Variants in ARSJ observed in about 807,000 individuals in gnomAD.
ARSJ encodes arylsulfatase family member J.
A neutral mutation model predicts 35.9 loss-of-function variants in ARSJ; 26 were observed. The ratio of observed to expected loss-of-function variants is 0.72; its 90% CI spans 0.53 to 1.00. The LOEUF (loss-of-function observed/expected upper bound fraction) is 1.00. Among genes scored for constraint, ARSJ ranks in the 50% least tolerant of loss-of-function variants. The pLI is 0.00. For missense variants in ARSJ, 667 were observed against 723.6 expected (o/e 0.92, Z 0.90); for synonymous variants, 294 against 267.6 (o/e 1.10, Z -0.96).
chr4:113,943,848 A>T (rs920228650), intron 1 of ARSJ, among the ~76,000 whole-genome samples: 2 of 152,022 alleles, frequency 1.3e-5, no homozygotes, highest in Non-Finnish European at 2.9e-5. Flanking sequence ...GACAGGCTGG[A>T]GAACAGAATT....
chr4:113,924,993 G>T (rs1034999098), intron 1 of ARSJ, among the ~76,000 whole-genome samples: 1 of 152,082 alleles, frequency 6.6e-6, no homozygotes, highest in Non-Finnish European at 1.5e-5. Context: ...TTGTAGTCCT[G>T]CCGGGATTGG....
In ARSJ at chr4:113,911,869, G is replaced by T. The variant is rs140635269; in HGVS notation, c.399-8194C>A. On this transcript the variant is annotated intron_variant, in intron 1 of 1. Coordinates refer to ENST00000315366, the MANE Select transcript of ARSJ (RefSeq NM_024590.4). ...TGTGAGATGATGAGTGTGTTAATTT[G>T]CTTCACCATAGTAACTAATTTAGTA... is the stretch of plus-strand genomic sequence containing the variant. Among the ~76,000 whole-genome samples, 503 of 152,164 alleles carry T rather than the reference G, an allele frequency of 3.3e-3. 2 individuals are homozygous for T. Among genetic ancestry groups the T allele is most frequent in the African/African-American group, 0.012 (484 of 41,498 alleles).
intron 1 of ARSJ, among the ~76,000 whole-genome samples, chr4:113,958,685 A>G (rs971854189): frequency 6.6e-6 from 1 of 152,088 alleles, no homozygotes; most frequent in African/African-American, 2.4e-5. Context: ...TGGGAGAAGG[A>G]TGTGGCATTG....
rs948974213 is a variant in ARSJ at position 113,902,050 on chromosome 4, C to T, written c.*224G>A. The T allele has an allele frequency of 7.3e-7, 1 of 1,367,200 alleles. No individual in the cohort carries two copies. Among genetic ancestry groups the T allele is most frequent in the Non-Finnish European group, 9.9e-7 (1 of 1,011,606 alleles). The allele number at this position is 1,367,200 out of a possible 1,614,324, so 84.7% of individuals were successfully genotyped here. On this transcript the variant is annotated 3_prime_UTR_variant, in exon 2 of 2. Coordinates refer to ENST00000315366, the MANE Select transcript of ARSJ (RefSeq NM_024590.4). ...CTAAAGGAGCAAGAGAAATAAACAT[C>T]TCCACTCTCTCTAAGTGTGGCTTGC...
intron 1 of ARSJ, among the ~76,000 whole-genome samples, chr4:113,930,548 A>G (rs1422306630): frequency 6.6e-6 from 1 of 152,118 alleles, no homozygotes; most frequent in African/African-American, 2.4e-5. Context: ...TAAGCATTCA[A>G]TAATTGGTAG....
intron 1 of ARSJ, among the ~76,000 whole-genome samples, chr4:113,914,034 T>C (rs1723117136): frequency 6.6e-6 from 1 of 152,114 alleles, no homozygotes; most frequent in Non-Finnish European, 1.5e-5. Context: ...AGTGCAATAG[T>C]GCGGTCTCAG....
intron 1 of ARSJ, among the ~76,000 whole-genome samples, chr4:113,927,967 C>G (rs1724183685): frequency 6.6e-6 from 1 of 152,134 alleles, no homozygotes; most frequent in Admixed American, 6.5e-5. Context: ...AGTCAGGAAG[C>G]CAATGTGTGG....
At chr4:113,926,400 GA>G (rs1406831297) in intron 1 of ARSJ, among the ~76,000 whole-genome samples, 1 of 152,134 alleles carries the variant, frequency 6.6e-6, no homozygotes, top group African/African-American at 2.4e-5. Context: ...TTCCTTCGGG[GA>G]TGTCCTAGAA....
intron 1 of ARSJ, among the ~76,000 whole-genome samples, chr4:113,941,058 A>G (rs960657175): frequency 6.6e-6 from 1 of 151,984 alleles, no homozygotes; most frequent in Non-Finnish European, 1.5e-5. Flanking sequence ...AGATCTTTCT[A>G]TTTGGTTCTA....
intron 1 of ARSJ, among the ~76,000 whole-genome samples, chr4:113,914,330 C>A (rs548269183): frequency 6.6e-6 from 1 of 152,166 alleles, no homozygotes; most frequent in South Asian, 2.1e-4. Flanking sequence ...ATGAATTGGT[C>A]CATTAATATT....
Position 113,948,830 on chromosome 4 carries a change from G to C in ARSJ, c.398+29607C>G, listed in dbSNP as rs372959872. 1.9e-4 allele frequency among the ~76,000 whole-genome samples: 29 copies of C among 152,154 alleles called. No individual in the cohort carries two copies. In the East Asian group the frequency reaches 5.0e-3, roughly 26 times the overall value. ...CTCTTGGTATTTGGCTTTGTTCTTG[G>C]AATTTTCTGTATCTCTTCATTGCAA... On this transcript the variant is annotated intron_variant, in intron 1 of 1. Transcript: ENST00000315366.
rs1243419506 is a variant in ARSJ, at chr4:113,903,141, T to C, written c.933A>G (p.Leu311=). 6.2e-7 allele frequency: 1 copy of C among 1,614,232 alleles called. No homozygotes were observed. Among genetic ancestry groups the C allele is most frequent in the Non-Finnish European group, 8.5e-7 (1 of 1,180,042 alleles). The change falls in exon 2 of 2, where the codon CTA becomes CTG. Residue 311 remains leucine (L), a synonymous_variant. Coordinates refer to ENST00000315366, the MANE Select transcript of ARSJ (RefSeq NM_024590.4). ...DEAINNVTLA[L]KTYGFYNNSI... ...TGTTGTTATAGAAACCATAAGTCTTTAGAGCCAATGTCACGTTGTTGATTG... is the reference window on the plus strand; with the variant it reads ...TGTTGTTATAGAAACCATAAGTCTTCAGAGCCAATGTCACGTTGTTGATTG...
chr4:113,956,763 C>A (rs1726206057), intron 1 of ARSJ, among the ~76,000 whole-genome samples: 1 of 151,982 alleles, frequency 6.6e-6, no homozygotes. Flanking sequence ...GTGACATGGT[C>A]ACTGCAAGTA....
At chr4:113,971,862 T>C (rs1727269996) in intron 1 of ARSJ, among the ~76,000 whole-genome samples, 1 of 152,186 alleles carries the variant, frequency 6.6e-6, no homozygotes, top group Non-Finnish European at 1.5e-5. Context: ...GAAGCATGCA[T>C]GACCATGATG....
chr4:113,907,414 G>C (rs1042558949), intron 1 of ARSJ, among the ~76,000 whole-genome samples: 1 of 152,032 alleles, frequency 6.6e-6, no homozygotes, highest in Admixed American at 6.6e-5. Context: ...CATTTGAAAG[G>C]GCTGCCTATT....
chr4:113,949,908 A>C (rs1471169124), intron 1 of ARSJ, among the ~76,000 whole-genome samples: 2 of 152,102 alleles, frequency 1.3e-5, no homozygotes, highest in African/African-American at 4.8e-5. Flanking sequence ...TTGCTATGGC[A>C]CACAGTTTGT....
At chr4:113,970,985 T>C (rs915020005) in intron 1 of ARSJ, 1 of 151,564 alleles carries the variant, frequency 6.6e-6, no homozygotes, top group Non-Finnish European at 1.5e-5. Context: ...AAATAAAAAA[T>C]AAAATAGAAG....
intron 1 of ARSJ, among the ~76,000 whole-genome samples, chr4:113,972,928 T>C (rs149183748): frequency 3.3e-4 from 51 of 152,278 alleles, no homozygotes; most frequent in African/African-American, 1.2e-3. Flanking sequence ...TTGGCTCTTG[T>C]CTCCCTTTAA....
At chr4:113,929,111 C>T (rs1427450727) in intron 1 of ARSJ, among the ~76,000 whole-genome samples, 1 of 152,132 alleles carries the variant, frequency 6.6e-6, no homozygotes, top group East Asian at 1.9e-4. Flanking sequence ...TATGTTTCTT[C>T]CATCATTATC....
Sources: gnomAD v4.1 joint callset for allele counts (sites outside exome capture counted in the v4.1 genomes callset) on GRCh38, gnomAD v4.1.1 for gene constraint, MANE v1.5 for transcripts, NCBI Gene and HGNC (gene_info 2026-07-23, HGNC 2026-07-21) for gene names.